ARID5B: variants seen among roughly 807,000 people sequenced by gnomAD.
ARID5B encodes the protein AT-rich interactive domain-containing protein 5B.
In ARID5B, 13 loss-of-function variants were observed where a neutral mutation model predicts 97.2. The observed-to-expected ratio is 0.13, with a 90% confidence interval of 0.09 to 0.21. The LOEUF is 0.21. ARID5B is among the 10% of genes least tolerant of loss of function. The pLI is 1.00. For synonymous variants in ARID5B, 556 were observed against 570.3 expected (o/e 0.97, Z 0.36); for missense variants, 1,210 against 1,465.3 (o/e 0.83, Z 2.84).
At chr10:62,053,718 G>A (rs889736322) in intron 5 of ARID5B, among the ~76,000 whole-genome samples, 32 of 152,192 alleles carry the variant, frequency 2.1e-4, no homozygotes, top group African/African-American at 7.5e-4. Flanking sequence ...GGGCAGAAGT[G>A]TATTACAGGT....
At chr10:61,996,994 G>A (rs1434141143) in intron 3 of ARID5B, among the ~76,000 whole-genome samples, 1 of 151,944 alleles carries the variant, frequency 6.6e-6, no homozygotes, top group African/African-American at 2.4e-5. Context: ...AGTTTAGTGT[G>A]CATGAGCTAT....
intron 3 of ARID5B, among the ~76,000 whole-genome samples, chr10:61,991,989 G>C (rs10821939): frequency 1.3e-5 from 2 of 151,588 alleles, no homozygotes; most frequent in Non-Finnish European, 2.9e-5. Flanking sequence ...CTGAGATCAC[G>C]CTATGGCACT....
chr10:62,083,063 A>ACT (rs1318859700), intron 8 of ARID5B, among the ~76,000 whole-genome samples: 4 of 150,016 alleles, frequency 2.7e-5, no homozygotes, highest in African/African-American at 1.0e-4. Flanking sequence ...ACACACACAC[A>ACT]CTCTCTCACA....
At chr10:62,024,577 T>C (rs913257439) in intron 4 of ARID5B, 2 of 377,212 alleles carry the variant, frequency 5.3e-6, no homozygotes, top group Admixed American at 4.5e-5. Flanking sequence ...TTGACTACCA[T>C]ATCTTAAGCA....
At chr10:62,075,680 T>C (rs1179999126) in intron 8 of ARID5B, among the ~76,000 whole-genome samples, 1 of 152,228 alleles carries the variant, frequency 6.6e-6, no homozygotes, top group Admixed American at 6.5e-5. Context: ...GCGTCAGTAA[T>C]GGACCTTCAC....
Position 62,096,388 on chromosome 10 carries a change from C to T in ARID5B, c.*3358C>T. ...AAAGTCACATTTGGTGGTGGTCAGC[C>T]AAGTCGCATCTGGTCTAGTTTTACT... On this transcript the variant is annotated 3_prime_UTR_variant, in exon 10 of 10. Coordinates refer to ENST00000279873, the MANE Select transcript of ARID5B (RefSeq NM_032199.3). 4.3e-6 allele frequency: 1 copy of T among 233,578 alleles called. No homozygotes were observed. The highest frequency in any genetic ancestry group is 6.0e-5 in the East Asian group (1 of 16,564). The allele number at this position is 233,578 out of a possible 1,614,324, so 14.5% of individuals were successfully genotyped here. A position where few individuals can be genotyped will look rare whatever the true frequency, so the allele number is the denominator to read the frequency against.
At chr10:62,068,498 T>C (rs1056984820) in intron 7 of ARID5B, among the ~76,000 whole-genome samples, 1 of 152,184 alleles carries the variant, frequency 6.6e-6, no homozygotes, top group Non-Finnish European at 1.5e-5. Context: ...AGATTTACAA[T>C]TACAGAGCCC....
intron 2 of ARID5B, among the ~76,000 whole-genome samples, chr10:61,938,089 T>C (rs1219856524): frequency 1.3e-5 from 2 of 152,190 alleles, no homozygotes; most frequent in Non-Finnish European, 2.9e-5. Flanking sequence ...TCATGAAAGA[T>C]CTGTTTGAGA....
chr10:61,967,192 A>G (rs550933755), intron 3 of ARID5B, among the ~76,000 whole-genome samples: 11 of 152,338 alleles, frequency 7.2e-5, no homozygotes, highest in African/African-American at 2.6e-4. Flanking sequence ...GAAGGCTTCT[A>G]TAACTTTACT....
intron 3 of ARID5B, 138 bp from the exon 4 acceptor site, chr10:61,999,953 C>A: frequency 1.2e-6 from 1 of 843,704 alleles, no homozygotes; most frequent in Non-Finnish European, 1.9e-6. Context: ...TGGGAGGATG[C>A]TGGCATCCCC....
Position 62,091,330 on chromosome 10 carries a change from A to G in ARID5B, c.1867A>G (p.Ile623Val), listed in dbSNP as rs1452811831. The change falls in exon 10 of 10, where the codon ATT (isoleucine) becomes GTT (valine). Residue 623 changes from isoleucine (I) to valine (V), a missense_variant. By Grantham distance (29) the Ile-to-Val change is conservative (BLOSUM62 3). This residue lies in a region of ARID5B where 800 missense variants were observed against 839.1 expected (regional missense o/e 0.95). Transcript: ENST00000279873. ...CAAACTGCCCGCCATGGCAGATTAC[A>G]TTGCCAACTGCACCGTGAAGGTGGA... is the stretch of plus-strand genomic sequence containing the variant. ...DDKLPAMADY[I>V]ANCTVKVDQL... 1 of 1,614,204 alleles carries G rather than the reference A, an allele frequency of 6.2e-7. No individual in the cohort carries two copies. The highest frequency in any genetic ancestry group is 8.5e-7 in the Non-Finnish European group (1 of 1,180,034).
chr10:61,996,401 C>T (rs974132979), intron 3 of ARID5B, among the ~76,000 whole-genome samples: 5 of 152,014 alleles, frequency 3.3e-5, no homozygotes, highest in Non-Finnish European at 7.4e-5. Flanking sequence ...AATGAAAAGT[C>T]CACCAAACTG....
intron 4 of ARID5B, among the ~76,000 whole-genome samples, chr10:62,001,355 T>C (rs1839077987): frequency 6.6e-6 from 1 of 152,170 alleles, no homozygotes; most frequent in African/African-American, 2.4e-5. Context: ...CCCTCATGGC[T>C]ACCTGGGTGA....
chr10:61,960,171 A>G (rs1838450780), intron 3 of ARID5B, among the ~76,000 whole-genome samples: 1 of 151,996 alleles, frequency 6.6e-6, no homozygotes, highest in South Asian at 2.1e-4. Context: ...TTTCTTTTAT[A>G]TTTTCAAATT....
chr10:61,983,747 G>GA (rs879436069), intron 3 of ARID5B, among the ~76,000 whole-genome samples: 159 of 127,890 alleles, frequency 1.2e-3, no homozygotes, highest in Middle Eastern at 4.8e-3. Flanking sequence ...CCAAGTGCCA[G>GA]AAAAAAAAAA....
At chr10:61,938,118 AC>A (rs1167579455) in intron 2 of ARID5B, among the ~76,000 whole-genome samples, 3 of 152,190 alleles carry the variant, frequency 2.0e-5, no homozygotes, top group Non-Finnish European at 4.4e-5. Context: ...AAAAGGGAGG[AC>A]AAAACCTATA....
At chr10:61,933,637 A>G (rs924105699) in intron 2 of ARID5B, among the ~76,000 whole-genome samples, 3 of 152,238 alleles carry the variant, frequency 2.0e-5, no homozygotes, top group Non-Finnish European at 4.4e-5. Flanking sequence ...CTTGGATGTC[A>G]ATAAGCAGTC....
chr10:61,927,262 C>T (rs1424411628), intron 2 of ARID5B, among the ~76,000 whole-genome samples: 1 of 152,184 alleles, frequency 6.6e-6, no homozygotes, highest in Non-Finnish European at 1.5e-5. Context: ...ATCCTAACTA[C>T]CCTATGTAGT....
Position 62,092,514 on chromosome 10 carries a change from G to C in ARID5B, c.3051G>C (p.Glu1017Asp). 6.2e-7 allele frequency: 1 copy of C among 1,614,228 alleles called. No individual in the cohort carries two copies. Among genetic ancestry groups the C allele is most frequent in the Non-Finnish European group, 8.5e-7 (1 of 1,180,032 alleles). ...GAARPIKRSL[E>D]DLDLVIAGKK... ...CGCGGCCGATCAAGCGCAGCCTGGA[G>C]GATTTGGACCTTGTGATTGCAGGGA... The change falls in exon 10 of 10, where the codon GAG becomes GAC. Residue 1017 changes from glutamate to aspartate, a missense_variant. Glu to Asp is a conservative substitution (Grantham distance 45). Around this residue, in one of 8 missense-constraint regions of ARID5B, gnomAD observed 800 missense variants for 839.1 expected, o/e 0.95. Coordinates refer to ENST00000279873, the MANE Select transcript of ARID5B (RefSeq NM_032199.3).
Sources: allele counts gnomAD v4.1 joint callset (sites outside exome capture counted in the v4.1 genomes callset), GRCh38; gene constraint gnomAD v4.1.1; regional missense constraint gnomAD v4.1.1; transcripts MANE v1.5; gene names NCBI Gene and HGNC (gene_info 2026-07-23, HGNC 2026-07-21).